The following FRMD6 variants were observed in gnomAD, a reference collection of about 807,000 sequenced individuals.
The protein encoded by FRMD6 is FERM domain-containing protein 6.
Under a neutral mutation model 73.2 loss-of-function variants are expected in FRMD6, and 37 were observed. The ratio of observed to expected loss-of-function variants is 0.51; its 90% CI spans 0.39 to 0.66. FRMD6 has a LOEUF of 0.66. FRMD6 is among the 30% of genes least tolerant of loss of function. The probability of loss-of-function intolerance (pLI) is 0.00; values close to 1 mark genes in which losing one functional copy is unlikely to be tolerated. For missense variants in FRMD6, 714 were observed against 780.5 expected, an observed-to-expected ratio of 0.91 and a Z score of 1.02; for synonymous variants, 273 against 282.2, an observed-to-expected ratio of 0.97 and a Z score of 0.33.
At chr14:51,465,000 C>A in the FRMD6 span, among the ~76,000 whole-genome samples, 4 of 152,076 alleles carry the variant, frequency 2.6e-5, no homozygotes, top group Non-Finnish European at 5.9e-5. Flanking sequence ...TCATTCCCTG[C>A]CACATATACA....
rs754483180 is a variant in FRMD6 at position 51,727,823 on chromosome 14, T to C, written c.1663T>C (p.Phe555Leu). The C allele has an allele frequency of 6.2e-7, 1 of 1,614,164 alleles. No homozygotes were observed. The highest frequency in any genetic ancestry group is 1.7e-5 in the Admixed American group (1 of 60,024). The change falls in exon 14 of 14, where the codon TTC (phenylalanine) becomes CTC (leucine). Residue 555 changes from phenylalanine (F) to leucine (L), a missense_variant. Physicochemically the swap from Phe to Leu is conservative, Grantham distance 22. Transcript: ENST00000344768. Reference protein sequence around the residue: ...LDDIRLYQKDFLRIAGLCQDT... With the variant: ...LDDIRLYQKDLLRIAGLCQDT... ...TGACATCAGACTTTACCAGAAAGAC[T>C]TCCTGCGCATTGCAGGTCTGTGTCA...
the FRMD6 span, among the ~76,000 whole-genome samples, chr14:51,453,519 G>A: frequency 1.3e-5 from 2 of 152,166 alleles, no homozygotes; most frequent in Non-Finnish European, 1.5e-5. Context: ...AGTACTTTAA[G>A]GTACAGTGGA....
chr14:51,567,957 G>A (rs895833957), intron 1 of FRMD6, among the ~76,000 whole-genome samples: 5 of 152,176 alleles, frequency 3.3e-5, no homozygotes, highest in African/African-American at 7.2e-5. Flanking sequence ...ACACAAATAC[G>A]TAGTTATACT....
At chr14:51,478,759 G>A in the FRMD6 span, among the ~76,000 whole-genome samples, 1 of 152,212 alleles carries the variant, frequency 6.6e-6, no homozygotes. Flanking sequence ...AAAAGGCATA[G>A]TCCCTATGAG....
the FRMD6 span, among the ~76,000 whole-genome samples, chr14:51,409,340 C>CTTTTTTTTTTT: frequency 1.2e-5 from 1 of 84,140 alleles, no homozygotes; most frequent in East Asian, 3.8e-4. Flanking sequence ...AAGTTTTTTG[C>CTTTTTTTTTTT]TTTTTTTTTT....
At chr14:51,414,431 G>C in the FRMD6 span, among the ~76,000 whole-genome samples, 1 of 151,444 alleles carries the variant, frequency 6.6e-6, no homozygotes, top group Non-Finnish European at 1.5e-5. Context: ...CATTTCTTGT[G>C]TTTGTCAGGT....
At chr14:51,595,711 A>G (rs1889676644) in intron 2 of FRMD6, among the ~76,000 whole-genome samples, 1 of 152,242 alleles carries the variant, frequency 6.6e-6, no homozygotes, top group Admixed American at 6.5e-5. Context: ...TACATGCTGT[A>G]AAATATAATG....
chr14:51,480,500 A>G, the FRMD6 span, among the ~76,000 whole-genome samples: 1 of 152,196 alleles, frequency 6.6e-6, no homozygotes, highest in African/African-American at 2.4e-5. Context: ...ACATTGTTTT[A>G]AAACATTGGT....
intron 2 of FRMD6, among the ~76,000 whole-genome samples, chr14:51,588,180 T>A (rs1889164269): frequency 6.6e-6 from 1 of 152,146 alleles, no homozygotes; most frequent in Non-Finnish European, 1.5e-5. Flanking sequence ...CAAAAAAGCA[T>A]TTCCCCCCCT....
chr14:51,686,931 A>G (rs1193159592), intron 1 of FRMD6, among the ~76,000 whole-genome samples: 1 of 152,150 alleles, frequency 6.6e-6, no homozygotes, highest in Non-Finnish European at 1.5e-5. Flanking sequence ...ATCAGCTTTA[A>G]TGCTGTCTTG....
At chr14:51,683,332 C>T (rs1894932782) in intron 1 of FRMD6, among the ~76,000 whole-genome samples, 1 of 152,086 alleles carries the variant, frequency 6.6e-6, no homozygotes, top group Non-Finnish European at 1.5e-5. Context: ...TGCTGTGGCA[C>T]AGTCATTGCT....
At chr14:51,652,046 C>T (rs953994234) in intron 1 of FRMD6, 50 bp downstream of exon 1, 1 of 152,106 alleles carries the variant, frequency 6.6e-6, no homozygotes, top group African/African-American at 2.4e-5. Context: ...CCCCATCGCT[C>T]AGCCGCCGCG....
intron 1 of FRMD6, among the ~76,000 whole-genome samples, chr14:51,503,987 C>T (rs184423902): frequency 3.7e-4 from 56 of 152,062 alleles, no homozygotes; most frequent in African/African-American, 1.3e-3. Flanking sequence ...GGAATGTATC[C>T]ACTTCTTCTA....
At chr14:51,596,277 G>GTGTGTGTA (rs1209440826) in intron 2 of FRMD6, among the ~76,000 whole-genome samples, 18 of 151,622 alleles carry the variant, frequency 1.2e-4, no homozygotes, top group African/African-American at 4.4e-4. Context: ...GTGTGTGTGT[G>GTGTGTGTA]TATGGGTATG....
chr14:51,469,529 C>T, the FRMD6 span, among the ~76,000 whole-genome samples: 451 of 144,444 alleles, frequency 3.1e-3, 3 homozygotes, highest in Non-Finnish European at 3.9e-3. Flanking sequence ...AGGAGAATGG[C>T]GTGAACCCGG....
intron 7 of FRMD6, among the ~76,000 whole-genome samples, chr14:51,711,260 A>C (rs1896930535): frequency 6.6e-6 from 1 of 152,230 alleles, no homozygotes; most frequent in Admixed American, 6.5e-5. Flanking sequence ...GTCAGATACA[A>C]AAGTGTATGT....
intron 2 of FRMD6, among the ~76,000 whole-genome samples, chr14:51,692,071 G>A (rs918146595): frequency 1.8e-4 from 27 of 152,194 alleles, no homozygotes; most frequent in African/African-American, 6.3e-4. Flanking sequence ...ATTTACTGCT[G>A]TATCCTCATT....
intron 12 of FRMD6, among the ~76,000 whole-genome samples, chr14:51,723,298 T>C (rs1897732140): frequency 6.6e-6 from 1 of 152,188 alleles, no homozygotes; most frequent in Non-Finnish European, 1.5e-5. Flanking sequence ...AAACTGTGTA[T>C]GCCGCAGTGC....
chr14:51,549,565 A>G (rs17662791), intron 1 of FRMD6, among the ~76,000 whole-genome samples: 28,437 of 143,264 alleles, frequency 0.2, 2,936 homozygotes, highest in Middle Eastern at 0.33. Context: ...CCCTATTTCC[A>G]CAGCTGGAGT....
Sources: gnomAD v4.1 joint callset for allele counts (sites outside exome capture counted in the v4.1 genomes callset) on GRCh38, gnomAD v4.1.1 for gene constraint, MANE v1.5 for transcripts, NCBI Gene and HGNC (gene_info 2026-07-23, HGNC 2026-07-21) for gene names.